SCAMP1: variants seen among roughly 807,000 people sequenced by gnomAD.
The protein encoded by SCAMP1 is secretory carrier membrane protein 1.
A neutral mutation model predicts 41.8 loss-of-function variants in SCAMP1; 15 were observed. That is an observed-to-expected ratio of 0.36 (90% confidence interval 0.24 to 0.55). The LOEUF (loss-of-function observed/expected upper bound fraction) is 0.55, where lower values mean the gene tolerates loss of function less well. Among genes scored for constraint, SCAMP1 ranks in the 20% least tolerant of loss-of-function variants. The pLI is 0.86. For synonymous variants in SCAMP1, 135 were observed against 136.8 expected (o/e 0.99, Z 0.09); for missense variants, 341 against 412.6 (o/e 0.83, Z 1.50).
At chr5:78,413,887 T>C (rs1341300152) in intron 2 of SCAMP1, among the ~76,000 whole-genome samples, 1 of 152,120 alleles carries the variant, frequency 6.6e-6, no homozygotes, top group Non-Finnish European at 1.5e-5. Context: ...TGAACGTCCT[T>C]GTGCAGCTTC....
chr5:78,378,970 C>G (rs149320772), intron 1 of SCAMP1, among the ~76,000 whole-genome samples: 1 of 152,100 alleles, frequency 6.6e-6, no homozygotes, highest in Non-Finnish European at 1.5e-5. Flanking sequence ...TCCAGGTGAC[C>G]GCAATGCGTG....
intron 6 of SCAMP1, among the ~76,000 whole-genome samples, chr5:78,424,633 T>A (rs1752421210): frequency 6.6e-6 from 1 of 151,986 alleles, no homozygotes; most frequent in Non-Finnish European, 1.5e-5. Flanking sequence ...GGCAGGAGAA[T>A]CGCCTGAACC....
chr5:78,401,535 G>A (rs2885615), intron 2 of SCAMP1, among the ~76,000 whole-genome samples: 62,830 of 151,546 alleles, frequency 0.41, 14,143 homozygotes, highest in Non-Finnish European at 0.5. Flanking sequence ...TAGATAGCTT[G>A]TTTCTTCTTC....
intron 6 of SCAMP1, among the ~76,000 whole-genome samples, chr5:78,438,061 C>A (rs1470420492): frequency 6.6e-6 from 1 of 151,900 alleles, no homozygotes; most frequent in East Asian, 1.9e-4. Flanking sequence ...GGTGGTGATA[C>A]CCCTTTATCA....
intron 1 of SCAMP1, among the ~76,000 whole-genome samples, chr5:78,382,522 G>A (rs1166158313): frequency 1.3e-5 from 2 of 152,004 alleles, no homozygotes; most frequent in African/African-American, 2.4e-5. Context: ...CCTGTCACCC[G>A]AGCAGTGTAC....
At position 78,468,937 on chromosome 5, in the gene SCAMP1, C is replaced by T. The variant is rs1000748269; in HGVS notation, c.853-6567C>T. 8.3e-4 allele frequency among the ~76,000 whole-genome samples: 126 copies of T among 152,034 alleles called. 2 individuals carry two copies. Among genetic ancestry groups the T allele is most frequent in the African/African-American group, 3.0e-3 (123 of 41,378 alleles). On this transcript the variant is annotated intron_variant, in intron 8 of 8. Coordinates refer to ENST00000621999, the MANE Select transcript of SCAMP1 (RefSeq NM_004866.6). ...ATATGCAGGGGATTGGTTTCAGAAC[C>T]CACACATCCATATACCAAATCTATG...
At chr5:78,474,580 A>G (rs1029078011) in intron 8 of SCAMP1, among the ~76,000 whole-genome samples, 5 of 152,060 alleles carry the variant, frequency 3.3e-5, no homozygotes, top group African/African-American at 1.2e-4. Flanking sequence ...ACCAGTTCCT[A>G]TCCAGGTTTG....
At chr5:78,439,476 C>T (rs948942691) in intron 6 of SCAMP1, among the ~76,000 whole-genome samples, 12 of 151,906 alleles carry the variant, frequency 7.9e-5, no homozygotes, top group African/African-American at 2.2e-4. Context: ...ACTTATGAAG[C>T]TTAGTTTGGC....
At chr5:78,432,397 C>T (rs1258694383) in intron 6 of SCAMP1, among the ~76,000 whole-genome samples, 1 of 152,006 alleles carries the variant, frequency 6.6e-6, no homozygotes, top group East Asian at 1.9e-4. Context: ...TGCTAATAAT[C>T]AGTTCTCTGA....
At position 78,398,355 on chromosome 5, in the gene SCAMP1, CTTTTTTTTT is replaced by C. The variant is rs1197381285; in HGVS notation, c.135+9460_135+9468del. Among the ~76,000 whole-genome samples the C allele has an allele frequency of 4.3e-3, 246 of 57,488 alleles. 2 individuals carry two copies. The highest frequency in any genetic ancestry group is 0.017 in the African/African-American group (229 of 13,388). The allele number at this position is 57,488 out of a possible 152,430, so 37.7% of individuals were successfully genotyped here. On this transcript the variant is annotated intron_variant, in intron 2 of 8. Transcript: ENST00000621999. Reference sequence around the variant, plus strand: ...CTATAGTTTATCCTAGGGTTCACCTCTTTTTTTTTTTTTTTTTTTTTTTTTTTGAGACAG... The same window carrying C: ...CTATAGTTTATCCTAGGGTTCACCTCTTTTTTTTTTTTTTTTTTGAGACAG...
At chr5:78,408,270 A>T (rs1021109548) in intron 2 of SCAMP1, among the ~76,000 whole-genome samples, 2 of 152,112 alleles carry the variant, frequency 1.3e-5, no homozygotes, top group African/African-American at 4.8e-5. Flanking sequence ...AGTCCCCTTT[A>T]TAAAACCATC....
intron 2 of SCAMP1, among the ~76,000 whole-genome samples, chr5:78,391,841 C>A (rs1303605776): frequency 1.3e-5 from 2 of 152,160 alleles, no homozygotes; most frequent in East Asian, 3.9e-4. Context: ...CCCGTCTCCA[C>A]CAAAAAAATA....
chr5:78,464,538 C>T (rs1199347514), intron 8 of SCAMP1, among the ~76,000 whole-genome samples: 3 of 152,166 alleles, frequency 2.0e-5, no homozygotes, highest in Admixed American at 2.0e-4. Context: ...CCTCATCCTT[C>T]TCGCAGTCCA....
At chr5:78,438,723 A>G (rs1752832768) in intron 6 of SCAMP1, among the ~76,000 whole-genome samples, 2 of 152,204 alleles carry the variant, frequency 1.3e-5, no homozygotes, top group South Asian at 4.1e-4. Flanking sequence ...GTAGGTGTCT[A>G]TCAGGTCCGC....
At chr5:78,423,295 G>A (rs1378879144) in intron 6 of SCAMP1, among the ~76,000 whole-genome samples, 1 of 152,170 alleles carries the variant, frequency 6.6e-6, no homozygotes, top group Non-Finnish European at 1.5e-5. Context: ...GCCAAGGAAC[G>A]GGGAGAGCTT....
At chr5:78,369,449 C>T (rs1337472193) in intron 1 of SCAMP1, among the ~76,000 whole-genome samples, 4 of 152,082 alleles carry the variant, frequency 2.6e-5, no homozygotes, top group African/African-American at 9.7e-5. Flanking sequence ...GTGTTATGGG[C>T]ATGGTTTGTG....
chr5:78,393,922 A>G (rs1340870643), intron 2 of SCAMP1, among the ~76,000 whole-genome samples: 2 of 152,148 alleles, frequency 1.3e-5, no homozygotes, highest in Non-Finnish European at 2.9e-5. Context: ...TGGGTATTGA[A>G]GGTAAGGGAT....
At chr5:78,452,698 A>G (rs1262525380) in intron 7 of SCAMP1, among the ~76,000 whole-genome samples, 1 of 151,682 alleles carries the variant, frequency 6.6e-6, no homozygotes, top group African/African-American at 2.4e-5. Flanking sequence ...CTTTGGGTAT[A>G]TACCAGTAAT....
chr5:78,394,071 A>G (rs751382035), intron 2 of SCAMP1, among the ~76,000 whole-genome samples: 9 of 152,192 alleles, frequency 5.9e-5, no homozygotes, highest in African/African-American at 1.7e-4. Context: ...AGTTGATGCC[A>G]TATATGATTT....
Sources: gnomAD v4.1 joint callset for allele counts (sites outside exome capture counted in the v4.1 genomes callset) on GRCh38, gnomAD v4.1.1 for gene constraint, MANE v1.5 for transcripts, NCBI Gene and HGNC (gene_info 2026-07-23, HGNC 2026-07-21) for gene names.